Variants in TRPS1 observed in about 807,000 individuals in gnomAD.
The protein encoded by TRPS1 is zinc finger transcription factor Trps1.
TRPS1 carries 6 observed loss-of-function variants against 101.2 expected under a neutral mutation model. That is an observed-to-expected ratio of 0.06 (90% CI 0.03 to 0.12). The LOEUF (loss-of-function observed/expected upper bound fraction) is 0.12. TRPS1 is among the 10% of genes least tolerant of loss of function. The pLI, the probability that TRPS1 is intolerant of heterozygous loss-of-function variation, is 1.00. For synonymous variants in TRPS1, 578 were observed against 589.8 expected (o/e 0.98, Z 0.29); for missense variants, 1,363 against 1,567.0 (o/e 0.87, Z 2.20).
At chr8:115,437,649 G>A (rs760546644) in intron 5 of TRPS1, among the ~76,000 whole-genome samples, 26 of 152,152 alleles carry the variant, frequency 1.7e-4, no homozygotes, top group Admixed American at 3.3e-4. Context: ...ATGTCTACAC[G>A]AACAAGAAGG....
Position 115,635,875 on chromosome 8 carries a change from T to G in TRPS1, c.-121-12117A>C, listed in dbSNP as rs182067943. Among the ~76,000 whole-genome samples, 165 of 152,340 alleles carry G rather than the reference T, an allele frequency of 1.1e-3. 2 individuals are homozygous for G. Among genetic ancestry groups the G allele is most frequent in the Non-Finnish European group, 1.4e-3 (93 of 68,026 alleles). On this transcript the variant is annotated intron_variant, in intron 1 of 6. Transcript: ENST00000395715. ...TAACACATAAATGTTGTAGAAAATT[T>G]GTTTTCCTGAAAACATTAGATAATA...
chr8:115,493,806 G>T (rs965227888), intron 5 of TRPS1, among the ~76,000 whole-genome samples: 1 of 152,082 alleles, frequency 6.6e-6, no homozygotes, highest in Non-Finnish European at 1.5e-5. Context: ...TAAAAGATAT[G>T]CTATAAATGT....
intron 5 of TRPS1, among the ~76,000 whole-genome samples, chr8:115,430,802 CTTTA>C (rs1813299154): frequency 6.6e-6 from 1 of 151,874 alleles, no homozygotes; most frequent in African/African-American, 2.4e-5. Flanking sequence ...CACTAGTTGT[CTTTA>C]TTTTCATTAA....
intron 5 of TRPS1, among the ~76,000 whole-genome samples, chr8:115,492,482 CGT>C (rs1563549680): frequency 9.2e-5 from 13 of 141,382 alleles, no homozygotes; most frequent in African/African-American, 3.0e-4. Flanking sequence ...TGTGTGTGTG[CGT>C]GCGTGTGCGT....
At chr8:115,480,405 G>C (rs1814721858) in intron 5 of TRPS1, among the ~76,000 whole-genome samples, 1 of 152,002 alleles carries the variant, frequency 6.6e-6, no homozygotes, top group Non-Finnish European at 1.5e-5. Context: ...TTTTATTATA[G>C]AGTTTACAGG....
intron 5 of TRPS1, among the ~76,000 whole-genome samples, chr8:115,473,373 A>G (rs1219226302): frequency 6.6e-6 from 1 of 152,182 alleles, no homozygotes; most frequent in Non-Finnish European, 1.5e-5. Context: ...ACTCACTATC[A>G]TGAGAACAGC....
intron 3 of TRPS1, among the ~76,000 whole-genome samples, chr8:115,612,579 T>C (rs974412233): frequency 1.3e-5 from 2 of 152,184 alleles, no homozygotes; most frequent in African/African-American, 4.8e-5. Flanking sequence ...TGCCAATGAA[T>C]TCCAAGGTGG....
In TRPS1 at chr8:115,536,373, A is replaced by T. The variant is rs182336106; in HGVS notation, c.2700+50628T>A. 7.6e-3 allele frequency among the ~76,000 whole-genome samples: 1,152 copies of T among 152,042 alleles called. 12 individuals carry two copies. The highest frequency in any genetic ancestry group is 0.026 in the African/African-American group (1,063 of 41,466). ...ATCGCTACTAAAAATACAAAAAAAAATTAGCCAGGCGTGGTGGCGGGCGCC... is the reference window on the plus strand; with the variant it reads ...ATCGCTACTAAAAATACAAAAAAAATTTAGCCAGGCGTGGTGGCGGGCGCC... On this transcript the variant is annotated intron_variant, in intron 5 of 6. Transcript: ENST00000395715.
chr8:115,574,997 G>A (rs548995436), intron 5 of TRPS1, among the ~76,000 whole-genome samples: 1 of 152,186 alleles, frequency 6.6e-6, no homozygotes, highest in Non-Finnish European at 1.5e-5. Flanking sequence ...AAATAATACT[G>A]TTTTCCTGTT....
At chr8:115,552,415 C>T (rs1816726492) in intron 5 of TRPS1, among the ~76,000 whole-genome samples, 1 of 152,142 alleles carries the variant, frequency 6.6e-6, no homozygotes, top group South Asian at 2.1e-4. Context: ...CTGTTGTTTA[C>T]TCCTACCACT....
At chr8:115,642,099 A>G (rs771589346) in intron 1 of TRPS1, among the ~76,000 whole-genome samples, 11 of 152,068 alleles carry the variant, frequency 7.2e-5, no homozygotes, top group Non-Finnish European at 1.5e-4. Context: ...CTGTAGTCCC[A>G]GCTATTTAGG....
intron 5 of TRPS1, among the ~76,000 whole-genome samples, chr8:115,433,592 C>T (rs1586269062): frequency 6.6e-6 from 1 of 152,144 alleles, no homozygotes; most frequent in South Asian, 2.1e-4. Flanking sequence ...CAAGTTTAAT[C>T]TTGTAGAGGT....
intron 5 of TRPS1, among the ~76,000 whole-genome samples, chr8:115,435,564 T>C (rs116225112): frequency 0.037 from 5,632 of 152,062 alleles, 395 homozygotes; most frequent in African/African-American, 0.13. Flanking sequence ...TTCATGGGAA[T>C]TGAAGTGATC....
intron 2 of TRPS1, among the ~76,000 whole-genome samples, chr8:115,621,279 G>A (rs1430913375): frequency 6.6e-6 from 1 of 152,122 alleles, no homozygotes; most frequent in Non-Finnish European, 1.5e-5. Context: ...AATGTCTCTT[G>A]GAAAATTCCA....
chr8:115,449,490 A>C (rs1489158511), intron 5 of TRPS1, among the ~76,000 whole-genome samples: 1 of 152,158 alleles, frequency 6.6e-6, no homozygotes, highest in African/African-American at 2.4e-5. Context: ...AGCCTTGTTA[A>C]AAATCCACAA....
At chr8:115,541,207 G>A (rs1028731617) in intron 5 of TRPS1, among the ~76,000 whole-genome samples, 3 of 152,136 alleles carry the variant, frequency 2.0e-5, no homozygotes, top group African/African-American at 7.2e-5. Flanking sequence ...AGCATGCTGT[G>A]GACATCAGAT....
At chr8:115,555,207 G>GT (rs1389445864) in intron 5 of TRPS1, among the ~76,000 whole-genome samples, 4 of 151,866 alleles carry the variant, frequency 2.6e-5, no homozygotes, top group Admixed American at 1.3e-4. Flanking sequence ...AATATACTTG[G>GT]TTTTTTTTCT....
intron 5 of TRPS1, among the ~76,000 whole-genome samples, chr8:115,561,463 A>G (rs1303355728): frequency 7.0e-6 from 1 of 143,612 alleles, no homozygotes; most frequent in Non-Finnish European, 1.5e-5. Context: ...AACTTCCTTA[A>G]TCTTGTGTTT....
intron 1 of TRPS1, among the ~76,000 whole-genome samples, chr8:115,632,079 A>G (rs1270373430): frequency 6.6e-6 from 1 of 152,150 alleles, no homozygotes; most frequent in Non-Finnish European, 1.5e-5. Flanking sequence ...AAAGTGGCAC[A>G]TTCTCTATAT....
Sources: allele counts gnomAD v4.1 joint callset (sites outside exome capture counted in the v4.1 genomes callset), GRCh38; gene constraint gnomAD v4.1.1; transcripts MANE v1.5; gene names NCBI Gene and HGNC (gene_info 2026-07-23, HGNC 2026-07-21).